Variants in SOX6 observed in about 807,000 individuals in gnomAD.
SOX6 encodes the protein SRY-box transcription factor 6.
A neutral mutation model predicts 97.8 loss-of-function variants in SOX6; 11 were observed. The ratio of observed to expected loss-of-function variants is 0.11; its 90% CI spans 0.07 to 0.19. SOX6 has a LOEUF of 0.19. SOX6 is among the 10% of genes least tolerant of loss of function. The pLI is 1.00. For missense variants in SOX6, 810 were observed against 1,039.5 expected, an observed-to-expected ratio of 0.78 and a Z score of 3.04; for synonymous variants, 360 against 371.4, an observed-to-expected ratio of 0.97 and a Z score of 0.35.
At chr11:16,017,572 T>C (rs1371348306) in intron 12 of SOX6, among the ~76,000 whole-genome samples, 1 of 152,068 alleles carries the variant, frequency 6.6e-6, no homozygotes, top group East Asian at 1.9e-4. Flanking sequence ...CACATAACCA[T>C]AAGATAAGAG....
chr11:16,336,703 A>G (rs139327893), intron 2 of SOX6, among the ~76,000 whole-genome samples: 2 of 152,266 alleles, frequency 1.3e-5, no homozygotes, highest in Non-Finnish European at 2.9e-5. Context: ...AAGTTTAAAC[A>G]CTTCCCTGTA....
intron 9 of SOX6, among the ~76,000 whole-genome samples, chr11:16,070,015 C>T (rs368603556): frequency 5.3e-5 from 8 of 152,092 alleles, no homozygotes; most frequent in African/African-American, 1.2e-4. Flanking sequence ...ATTAGCCAGG[C>T]GTGGTGGCGG....
chr11:16,059,469 G>A (rs994190987), intron 9 of SOX6, among the ~76,000 whole-genome samples: 1 of 151,850 alleles, frequency 6.6e-6, no homozygotes, highest in African/African-American at 2.4e-5. Flanking sequence ...TGGTTTGAAT[G>A]TAATTTCCAG....
intron 1 of SOX6, among the ~76,000 whole-genome samples, chr11:16,447,457 T>C (rs61881800): frequency 0.081 from 1,400 of 17,272 alleles, 22 homozygotes; most frequent in East Asian, 0.22. Context: ...CTCTCTCTCT[T>C]TCTTTCTTTC....
chr11:16,366,832 G>A (rs1742104717), intron 1 of SOX6, among the ~76,000 whole-genome samples: 1 of 151,938 alleles, frequency 6.6e-6, no homozygotes, highest in Non-Finnish European at 1.5e-5. Context: ...ACCCAAATAC[G>A]AACATCATAA....
At chr11:16,721,378 T>G (rs1848259802) in intron 2 of SOX6, among the ~76,000 whole-genome samples, 3 of 152,112 alleles carry the variant, frequency 2.0e-5, no homozygotes. Flanking sequence ...ATGGGGAACT[T>G]TTTTTCTCCC....
At chr11:16,263,540 T>C (rs1159789327) in intron 3 of SOX6, among the ~76,000 whole-genome samples, 1 of 151,990 alleles carries the variant, frequency 6.6e-6, no homozygotes, top group African/African-American at 2.4e-5. Flanking sequence ...CCATAGTACC[T>C]GAGAGTTTAT....
At chr11:16,359,067 T>A (rs1857138069), upstream of SOX6, among the ~76,000 whole-genome samples, 1 of 149,980 alleles carries the variant, frequency 6.7e-6, no homozygotes, top group African/African-American at 2.5e-5. Context: ...AGTGATAGGA[T>A]AAGAAACCAG....
intron 4 of SOX6, among the ~76,000 whole-genome samples, chr11:16,558,872 C>T (rs1847777602): frequency 1.3e-5 from 2 of 152,042 alleles, no homozygotes; most frequent in African/African-American, 4.8e-5. Context: ...CAAAGCCACT[C>T]TCACAGTGCT....
chr11:16,639,703 T>G (rs868788739), intron 3 of SOX6, among the ~76,000 whole-genome samples: 19 of 152,206 alleles, frequency 1.2e-4, no homozygotes, highest in African/African-American at 4.3e-4. Context: ...CACTCATGAT[T>G]TGGCTTTCTG....
At chr11:16,241,200 A>G (rs1012175759) in intron 3 of SOX6, among the ~76,000 whole-genome samples, 1 of 152,066 alleles carries the variant, frequency 6.6e-6, no homozygotes, top group African/African-American at 2.4e-5. Flanking sequence ...TGAATAGGTA[A>G]CAGTTTCCTA....
intron 4 of SOX6, among the ~76,000 whole-genome samples, chr11:16,585,003 C>G (rs920964535): frequency 6.6e-6 from 1 of 152,094 alleles, no homozygotes; most frequent in South Asian, 2.1e-4. Flanking sequence ...ACTCTGTGCC[C>G]AAATCAACTA....
intron 3 of SOX6, among the ~76,000 whole-genome samples, chr11:16,658,881 A>G (rs957005702): frequency 6.6e-6 from 1 of 152,232 alleles, no homozygotes; most frequent in African/African-American, 2.4e-5. Flanking sequence ...TTATCCTTTT[A>G]GCTAACATGA....
chr11:16,035,701 G>A (rs975447435), intron 12 of SOX6, among the ~76,000 whole-genome samples: 2 of 152,110 alleles, frequency 1.3e-5, no homozygotes, highest in African/African-American at 4.8e-5. Context: ...TATGTGCCAG[G>A]CATGTCTAGG....
chr11:16,344,964 G>A (rs1047393058), intron 1 of SOX6, among the ~76,000 whole-genome samples: 9 of 151,734 alleles, frequency 5.9e-5, no homozygotes, highest in South Asian at 2.1e-4. Flanking sequence ...AACTATCCTC[G>A]CTCATGGGAT....
At position 16,139,972 on chromosome 11, in the gene SOX6, T is replaced by C. The variant is rs574516115; in HGVS notation, c.778-28049A>G. On this transcript the variant is annotated intron_variant, in intron 6 of 15. Transcript: ENST00000683767. ...TATATTATATATATATATATATATATACATATAATATGACATACGGGAGAT... is the reference window on the plus strand; with the variant it reads ...TATATTATATATATATATATATATACACATATAATATGACATACGGGAGAT... Among the ~76,000 whole-genome samples, 72 of 148,002 alleles carry C rather than the reference T, an allele frequency of 4.9e-4. 1 individual carries two copies. The highest frequency in any genetic ancestry group is 1.8e-3 in the East Asian group (9 of 5,114).
rs1426681418 is a variant in SOX6 at position 16,341,397 on chromosome 11, C to T, written c.-4-145G>A. Reference sequence around the variant, plus strand: ...TCCACTCTAAACCCCTGAAAAAGAACTCCTGGCTTATGTGTCCTTCTTTCC... The same window carrying T: ...TCCACTCTAAACCCCTGAAAAAGAATTCCTGGCTTATGTGTCCTTCTTTCC... On this transcript the variant is annotated intron_variant, in intron 1 of 15. Transcript: ENST00000683767. 11 of 1,159,998 alleles carry T rather than the reference C, an allele frequency of 9.5e-6. No homozygotes were observed. The African/African-American group carries it at 1.2e-4, about 13-fold the overall frequency. 71.9% of individuals were successfully genotyped at this position (1,159,998 alleles called of 1,614,324 possible). A position where few individuals can be genotyped will look rare whatever the true frequency, so the allele number is the denominator to read the frequency against.
intron 3 of SOX6, among the ~76,000 whole-genome samples, chr11:16,625,846 T>C (rs554542694): frequency 6.6e-6 from 1 of 152,332 alleles, no homozygotes; most frequent in African/African-American, 2.4e-5. Context: ...ATCTGGCTAT[T>C]TCTAAGTTGT....
intron 4 of SOX6, among the ~76,000 whole-genome samples, chr11:16,481,888 C>T (rs1860349635): frequency 6.6e-6 from 1 of 151,602 alleles, no homozygotes; most frequent in African/African-American, 2.4e-5. Context: ...TTTTAAATAA[C>T]AATAATAAAC....
Sources: gnomAD v4.1 joint callset for allele counts (sites outside exome capture counted in the v4.1 genomes callset) on GRCh38, gnomAD v4.1.1 for gene constraint, MANE v1.5 for transcripts, NCBI Gene and HGNC (gene_info 2026-07-23, HGNC 2026-07-21) for gene names.